CHODL: variants seen among roughly 807,000 people sequenced by gnomAD.
CHODL encodes transmembrane protein MT75.
In CHODL, 29 loss-of-function variants were observed where a neutral mutation model predicts 34.5. The ratio of observed to expected loss-of-function variants is 0.84; its 90% CI spans 0.63 to 1.15. The LOEUF (loss-of-function observed/expected upper bound fraction) is 1.15. Among genes scored for constraint, CHODL ranks in the 50% most tolerant of loss-of-function variants. The pLI, the probability that CHODL is intolerant of heterozygous loss-of-function variation, is 0.00. For synonymous variants in CHODL, 125 were observed against 116.1 expected, an observed-to-expected ratio of 1.08 and a Z score of -0.49; for missense variants, 332 against 332.5, an observed-to-expected ratio of 1.00 and a Z score of 0.01.
intron 2 of CHODL, among the ~76,000 whole-genome samples, chr21:18,060,065 C>T (rs1432239902): frequency 1.3e-5 from 2 of 152,092 alleles, no homozygotes; most frequent in Admixed American, 1.3e-4. Flanking sequence ...AAGGTGCCAT[C>T]ATTTATTTGA....
At chr21:17,930,972 G>A (rs1240824482) in intron 1 of CHODL, among the ~76,000 whole-genome samples, 1 of 152,208 alleles carries the variant, frequency 6.6e-6, no homozygotes, top group African/African-American at 2.4e-5. Context: ...GTGGCCTGGC[G>A]TTAGATGACA....
intron 2 of CHODL, among the ~76,000 whole-genome samples, chr21:18,187,599 C>CT (rs1184730563): frequency 6.6e-6 from 1 of 152,094 alleles, no homozygotes; most frequent in East Asian, 1.9e-4. Context: ...AAGGCTGCCT[C>CT]TTTTTATTGA....
intron 2 of CHODL, among the ~76,000 whole-genome samples, chr21:18,181,754 T>A (rs923021265): frequency 1.3e-5 from 2 of 152,210 alleles, no homozygotes; most frequent in Non-Finnish European, 2.9e-5. Context: ...CTCTACACAT[T>A]GACCATTCTG....
chr21:18,164,630 T>A (rs2073131949), intron 2 of CHODL, among the ~76,000 whole-genome samples: 1 of 152,218 alleles, frequency 6.6e-6, no homozygotes, highest in South Asian at 2.1e-4. Flanking sequence ...TTGTGAGGAT[T>A]AAACGAGAAA....
intron 2 of CHODL, among the ~76,000 whole-genome samples, chr21:18,228,958 A>G (rs1295838487): frequency 1.3e-5 from 2 of 152,132 alleles, no homozygotes; most frequent in African/African-American, 4.8e-5. Flanking sequence ...CCATACAAAG[A>G]CAAATCCTCT....
intron 2 of CHODL, among the ~76,000 whole-genome samples, chr21:18,071,839 A>G (rs1034658784): frequency 9.2e-5 from 14 of 152,144 alleles, no homozygotes; most frequent in African/African-American, 2.4e-5. Context: ...TTACCAATAC[A>G]TACTACAAAT....
intron 2 of CHODL, among the ~76,000 whole-genome samples, chr21:18,067,403 T>A (rs2064745265): frequency 6.6e-6 from 1 of 152,174 alleles, no homozygotes; most frequent in South Asian, 2.1e-4. Flanking sequence ...AATGTAGACA[T>A]GTACAAAAGA....
chr21:18,073,963 CA>C (rs1328463382), intron 2 of CHODL, among the ~76,000 whole-genome samples: 15 of 152,016 alleles, frequency 9.9e-5, no homozygotes, highest in Non-Finnish European at 1.9e-4. Flanking sequence ...GATAGAAGGT[CA>C]TTTTTTTTCT....
chr21:18,179,020 T>G (rs9975746), intron 2 of CHODL, among the ~76,000 whole-genome samples: 137,529 of 152,192 alleles, frequency 0.9, 62,319 homozygotes, highest in Admixed American at 0.94. Flanking sequence ...CCAAAACCCT[T>G]TCTTCTGTTG....
At chr21:18,053,138 G>A (rs2064536702) in intron 2 of CHODL, among the ~76,000 whole-genome samples, 1 of 151,918 alleles carries the variant, frequency 6.6e-6, no homozygotes. Context: ...TGCAGGAAGA[G>A]ACCAATTCTG....
intron 1 of CHODL, among the ~76,000 whole-genome samples, chr21:17,954,016 A>AT (rs200466485): frequency 6.9e-6 from 1 of 145,308 alleles, no homozygotes; most frequent in Non-Finnish European, 1.5e-5. Context: ...CTCAAAAAAA[A>AT]TTTTTTTAAA....
chr21:18,059,550 G>C (rs1281132514), intron 2 of CHODL, among the ~76,000 whole-genome samples: 1 of 149,472 alleles, frequency 6.7e-6, no homozygotes, highest in Non-Finnish European at 1.5e-5. Context: ...TGCAGGATGT[G>C]CAGGTTTGTT....
intron 2 of CHODL, among the ~76,000 whole-genome samples, chr21:18,174,139 A>ATATATATATCTTGG (rs2073270953): frequency 1.1e-5 from 1 of 88,428 alleles, no homozygotes; most frequent in Non-Finnish European, 2.4e-5. Context: ...ATATATATAT[A>ATATATATATCTTGG]TATATATATA....
intron 1 of CHODL, among the ~76,000 whole-genome samples, chr21:17,963,105 A>G (rs1351710054): frequency 1.3e-5 from 2 of 151,856 alleles, no homozygotes; most frequent in East Asian, 1.9e-4. Context: ...AACTTCCTTC[A>G]TGGAAAGATA....
chr21:18,216,521 A>G (rs2073830031), intron 2 of CHODL, among the ~76,000 whole-genome samples: 1 of 152,206 alleles, frequency 6.6e-6, no homozygotes, highest in Admixed American at 6.5e-5. Flanking sequence ...AATGTGAGTG[A>G]GAACATGCTG....
chr21:18,164,316 G>C (rs1311797199), intron 2 of CHODL, among the ~76,000 whole-genome samples: 2 of 152,176 alleles, frequency 1.3e-5, no homozygotes, highest in African/African-American at 4.8e-5. Context: ...ATGAAGCCAG[G>C]AATTCAATCT....
At chr21:18,042,390 G>A (rs1434180058) in intron 2 of CHODL, among the ~76,000 whole-genome samples, 2 of 151,816 alleles carry the variant, frequency 1.3e-5, no homozygotes, top group African/African-American at 4.8e-5. Context: ...ATGGCAATAA[G>A]AGACATGCTT....
At chr21:17,969,295 T>C (rs967071285) in intron 1 of CHODL, among the ~76,000 whole-genome samples, 5 of 152,214 alleles carry the variant, frequency 3.3e-5, no homozygotes, top group African/African-American at 1.2e-4. Flanking sequence ...AAGATTCATA[T>C]TGATATCTTG....
In CHODL at chr21:18,043,232, C is replaced by T. The variant is rs943104816; in HGVS notation, c.-45+15261C>T. Among the ~76,000 whole-genome samples, 14 of 152,046 alleles carry T rather than the reference C, an allele frequency of 9.2e-5. 1 individual carries two copies. In the East Asian group the frequency reaches 1.6e-3, roughly 17 times the overall value. ...CTCAAGGGTGTGCAACCTGTGCAGT[C>T]GCACTGGGCCAACACACAGAAGGAA... is the stretch of plus-strand genomic sequence containing the variant. On this transcript the variant is annotated intron_variant, in intron 2 of 6. Coordinates refer to the CHODL transcript ENST00000400127.
Sources: allele counts gnomAD v4.1 joint callset (sites outside exome capture counted in the v4.1 genomes callset), GRCh38; gene constraint gnomAD v4.1.1; transcripts MANE v1.5; gene names NCBI Gene and HGNC (gene_info 2026-07-23, HGNC 2026-07-21).